Variants in ZFY observed in about 807,000 individuals in gnomAD.
ZFY encodes the protein zinc finger Y-chromosomal protein.
For missense variants in ZFY, 113 were observed against 170.9 expected (o/e 0.66, Z 1.89); for synonymous variants, 47 against 55.8 (o/e 0.84, Z 0.71).
chrY:2,980,151 G>A lies in ZFY; in HGVS notation c.*158G>A. 2 of 180,393 alleles carry A rather than the reference G, an allele frequency of 1.1e-5. No homozygotes were observed. Among genetic ancestry groups the A allele is most frequent in the East Asian group, 1.1e-4 (1 of 9,075 alleles). The allele number at this position is 180,393 out of a possible 400,897, so 45.0% of individuals were successfully genotyped here. ...CTTTTCTTTACATTTTATTCAATAC[G>A]CTGTCCTGAATCCTATTCAGTTTCT... On this transcript the variant is annotated 3_prime_UTR_variant, in exon 8 of 8. Coordinates refer to ENST00000155093, the MANE Select transcript of ZFY (RefSeq NM_003411.4).
intron 3 of ZFY, among the ~76,000 whole-genome samples, chrY:2,968,858 G>A (rs2051339222): frequency 3.0e-5 from 1 of 33,355 alleles, no homozygotes; most frequent in South Asian, 6.7e-4. Context: ...TTGTGGACTT[G>A]TAGTATGGCT....
chrY:2,957,641 G>A (rs890529492), intron 2 of ZFY, among the ~76,000 whole-genome samples: 35 of 32,861 alleles, frequency 1.1e-3, no homozygotes, highest in Non-Finnish European at 2.1e-3. Context: ...ACCTATCCAA[G>A]TGCAAAGCCA....
intron 1 of ZFY, among the ~76,000 whole-genome samples, chrY:2,938,245 G>C: frequency 1.2e-4 from 2 of 16,322 alleles, no homozygotes; most frequent in Non-Finnish European, 2.4e-4. Context: ...TCCTAACCTC[G>C]TGATGTACCC....
chrY:2,959,079 G>A (rs973125538), intron 2 of ZFY, among the ~76,000 whole-genome samples: 14 of 33,305 alleles, frequency 4.2e-4, no homozygotes, highest in Non-Finnish European at 9.6e-4. Flanking sequence ...CACCCTTTCA[G>A]ATTTTTTGTT....
chrY:2,967,634 G>A (rs2051333492), intron 3 of ZFY, among the ~76,000 whole-genome samples: 1 of 27,148 alleles, frequency 3.7e-5, no homozygotes, highest in Non-Finnish European at 8.6e-5. Flanking sequence ...GCTCAATCTC[G>A]GCTCGCTGTA....
intron 3 of ZFY, among the ~76,000 whole-genome samples, chrY:2,963,503 A>T (rs769086193): frequency 1.3e-3 from 43 of 33,526 alleles, no homozygotes; most frequent in Non-Finnish European, 1.6e-3. Flanking sequence ...ACCTGTGCAT[A>T]TTTGGTATAA....
chrY:2,938,154 A>ATT (rs368708159), intron 1 of ZFY, among the ~76,000 whole-genome samples: 2 of 2,845 alleles, frequency 7.0e-4, no homozygotes, highest in African/African-American at 1.9e-3. Context: ...CGCCGGGCTA[A>ATT]TTTTTTTTTT....
In ZFY at chrY:2,979,700, A is replaced by G; in HGVS notation, c.2113A>G (p.Ile705Val). The G allele has an allele frequency of 2.5e-6, 1 of 399,317 alleles. No homozygotes were observed. The highest frequency in any genetic ancestry group is 3.5e-6 in the Non-Finnish European group (1 of 283,824). Residue 705 changes from isoleucine (I) to valine (V), a missense_variant, in exon 8 of 8, where the codon ATT becomes GTT. Transcript: ENST00000155093. ...IADPFVLSRH[I>V]LSVHTKDLPF... ...AGACCCATTTGTTCTAAGTCGCCAT[A>G]TTCTCTCAGTTCACACAAAGGATCT...
intron 1 of ZFY, among the ~76,000 whole-genome samples, 174 bp downstream of exon 1, chrY:2,935,943 T>A (rs2051214098): frequency 2.9e-5 from 1 of 34,306 alleles, no homozygotes; most frequent in Non-Finnish European, 7.4e-5. Flanking sequence ...AAAAATTCGG[T>A]TATGATCCTT....
intron 1 of ZFY, among the ~76,000 whole-genome samples, chrY:2,950,973 A>T: frequency 6.0e-5 from 2 of 33,531 alleles, no homozygotes; most frequent in Admixed American, 5.4e-4. Context: ...AGACACTAGC[A>T]CTATGTCCCT....
At chrY:2,957,103 T>C (rs2051295133) in intron 2 of ZFY, among the ~76,000 whole-genome samples, 1 of 33,169 alleles carries the variant, frequency 3.0e-5, no homozygotes, top group Admixed American at 2.7e-4. Flanking sequence ...TCTGAGTCCA[T>C]GTAGGATTTC....
In ZFY at chrY:2,978,968, A is replaced by G; in HGVS notation, c.1381A>G (p.Thr461Ala). 2.5e-6 allele frequency: 1 copy of G among 398,861 alleles called. No individual in the cohort carries two copies. Among genetic ancestry groups the G allele is most frequent in the Non-Finnish European group, 3.5e-6 (1 of 283,724 alleles). ...CCACTGTACTGACTGTGATTACACT[A>G]CCAATAAGAAGATAAGTTTACATAA... is the stretch of plus-strand genomic sequence containing the variant. ...KYHCTDCDYT[T>A]NKKISLHNHL... Residue 461 changes from threonine (T) to alanine (A), a missense_variant, in exon 8 of 8, where the codon ACC (threonine) becomes GCC (alanine). By Grantham distance (58) the Thr-to-Ala change is moderately conservative. Transcript: ENST00000155093.
In ZFY at chrY:2,961,289, GTCA is replaced by G; in HGVS notation, c.282_284del (p.Ile95del). The G allele has an allele frequency of 2.5e-6, 1 of 399,155 alleles. No individual in the cohort carries two copies. The highest frequency in any genetic ancestry group is 3.5e-6 in the Non-Finnish European group (1 of 283,690). On this transcript the variant is annotated inframe_deletion, in exon 3 of 8. Transcript: ENST00000155093. The stretch of plus-strand genomic sequence containing the variant: ...AGAAGAGGCAGATGTATCTGAAAAT[GTCA>G]TCATTCCTGAGCAAGTGCTGGACTC...
intron 5 of ZFY, among the ~76,000 whole-genome samples, chrY:2,976,311 A>G (rs2051370267): frequency 3.2e-5 from 1 of 31,576 alleles, no homozygotes; most frequent in Admixed American, 2.9e-4. Flanking sequence ...GGGTTTCACC[A>G]TGTTGGCCAG....
chrY:2,949,782 C>T, intron 1 of ZFY, among the ~76,000 whole-genome samples: 1 of 27,032 alleles, frequency 3.7e-5, no homozygotes, highest in Admixed American at 3.6e-4. Context: ...CGTGGGAGGT[C>T]GAGGCGGTAG....
intron 1 of ZFY, among the ~76,000 whole-genome samples, chrY:2,940,071 C>T (rs2051237026): frequency 3.1e-5 from 1 of 32,547 alleles, no homozygotes; most frequent in Non-Finnish European, 7.6e-5. Flanking sequence ...GTTGAATAGC[C>T]CTCCAATTGA....
At chrY:2,957,494 T>A in intron 2 of ZFY, among the ~76,000 whole-genome samples, 1 of 33,511 alleles carries the variant, frequency 3.0e-5, no homozygotes, top group African/African-American at 1.2e-4. Context: ...TTTTTACTTA[T>A]TGGTTTATTT....
At chrY:2,974,716 A>C in intron 3 of ZFY, among the ~76,000 whole-genome samples, 2 of 33,424 alleles carry the variant, frequency 6.0e-5, no homozygotes, top group Non-Finnish European at 1.5e-4. Flanking sequence ...TGTGAGGCTG[A>C]GGTGGGAGGA....
chrY:2,961,454 C>T lies in ZFY; in HGVS notation c.442C>T (p.His148Tyr). 1 of 399,142 alleles carries T rather than the reference C, an allele frequency of 2.5e-6. No homozygotes were observed. The highest frequency in any genetic ancestry group is 3.0e-5 in the South Asian group (1 of 33,797). The change falls in exon 3 of 8, where the codon CAT (histidine) becomes TAT (tyrosine). Residue 148 changes from histidine (H) to tyrosine (Y), a missense_variant. Coordinates refer to ENST00000155093, the MANE Select transcript of ZFY (RefSeq NM_003411.4). ...ATCCATGCATGTGTGTGACATTGGA[C>T]ATGTTGAACATATGGTGCATGATAG... is the stretch of plus-strand genomic sequence containing the variant. ...SESMHVCDIGHVEHMVHDSVV... is the reference protein window; with the variant it reads ...SESMHVCDIGYVEHMVHDSVV...
Sources: gnomAD v4.1 joint callset for allele counts (sites outside exome capture counted in the v4.1 genomes callset) on GRCh38, gnomAD v4.1.1 for gene constraint, MANE v1.5 for transcripts, NCBI Gene and HGNC (gene_info 2026-07-23, HGNC 2026-07-21) for gene names.